The following CNTN5 variants were observed in gnomAD, a reference collection of about 807,000 sequenced individuals.
The protein encoded by CNTN5 is contactin-5.
Under a neutral mutation model 129.1 loss-of-function variants are expected in CNTN5, and 77 were observed. The observed-to-expected ratio is 0.60, with a 90% CI of 0.50 to 0.72. The LOEUF (loss-of-function observed/expected upper bound fraction) is 0.72. Ranked by LOEUF, CNTN5 falls within the 30% of genes least tolerant of loss-of-function variation. The pLI is 0.00. For synonymous variants in CNTN5, 509 were observed against 465.6 expected (o/e 1.09, Z -1.20); for missense variants, 1,478 against 1,328.8 (o/e 1.11, Z -1.75).
intron 4 of CNTN5, among the ~76,000 whole-genome samples, chr11:99,823,731 A>C (rs1221331558): frequency 2.0e-5 from 3 of 152,104 alleles, no homozygotes; most frequent in Admixed American, 6.5e-5. Context: ...TTGTTTCAGT[A>C]TTTTTTGACA....
intron 8 of CNTN5, among the ~76,000 whole-genome samples, chr11:99,970,204 CCTT>C (rs1280481048): frequency 3.9e-5 from 6 of 152,128 alleles, no homozygotes; most frequent in Non-Finnish European, 8.8e-5. Context: ...GCTTTGAACT[CCTT>C]CTTTCTGTAG....
chr11:100,098,704 G>A (rs2049913723), intron 13 of CNTN5, among the ~76,000 whole-genome samples: 1 of 152,150 alleles, frequency 6.6e-6, no homozygotes, highest in Admixed American at 6.6e-5. Context: ...TTTTGGGCCA[G>A]CAAAATGGTT....
intron 1 of CNTN5, among the ~76,000 whole-genome samples, chr11:99,021,724 C>T (rs1180809330): frequency 6.6e-6 from 1 of 152,140 alleles, no homozygotes; most frequent in East Asian, 1.9e-4. Flanking sequence ...ATTGCAATAA[C>T]TTGTTAAAAT....
chr11:99,025,932 T>C (rs1335799867), intron 1 of CNTN5, among the ~76,000 whole-genome samples: 2 of 151,704 alleles, frequency 1.3e-5, no homozygotes, highest in African/African-American at 2.4e-5. Context: ...ACTATTCTAA[T>C]TCACCTAGGT....
intron 18 of CNTN5, among the ~76,000 whole-genome samples, chr11:100,284,039 C>G (rs957552364): frequency 6.6e-5 from 10 of 152,178 alleles, no homozygotes; most frequent in African/African-American, 2.4e-4. Context: ...CTTCTATAAC[C>G]AAGCGACACT....
At chr11:99,901,773 A>C (rs963988873) in intron 6 of CNTN5, among the ~76,000 whole-genome samples, 1 of 152,214 alleles carries the variant, frequency 6.6e-6, no homozygotes, top group Non-Finnish European at 1.5e-5. Context: ...TTAAAAAAGA[A>C]AACTGAACTG....
At chr11:100,072,255 C>CT (rs1227578228) in intron 12 of CNTN5, among the ~76,000 whole-genome samples, 1 of 152,130 alleles carries the variant, frequency 6.6e-6, no homozygotes, top group African/African-American at 2.4e-5. Context: ...TGTGTGGCTC[C>CT]TGCAAAGCAA....
At chr11:99,724,078 C>A (rs997203308) in intron 3 of CNTN5, among the ~76,000 whole-genome samples, 16 of 152,184 alleles carry the variant, frequency 1.1e-4, no homozygotes, top group African/African-American at 3.6e-4. Context: ...ACTCTTCAAT[C>A]AAACTAGAAA....
intron 2 of CNTN5, among the ~76,000 whole-genome samples, chr11:99,488,711 A>G (rs1945918884): frequency 6.6e-6 from 1 of 152,210 alleles, no homozygotes; most frequent in South Asian, 2.1e-4. Flanking sequence ...ACACTGCAAG[A>G]GAAAACAAAA....
intron 3 of CNTN5, among the ~76,000 whole-genome samples, chr11:99,699,107 C>G (rs1656037565): frequency 6.6e-6 from 1 of 151,284 alleles, no homozygotes; most frequent in South Asian, 2.1e-4. Context: ...TTTCTTCTCA[C>G]CAAGATTTGA....
chr11:99,930,527 A>G lies in CNTN5; in HGVS notation c.673+14378A>G, dbSNP rs190378889. On this transcript the variant is annotated intron_variant, in intron 7 of 24. Transcript: ENST00000524871. ...GACAATTGCCTGACAGTCACCTGAC[A>G]GTTGCCTGATATTCTTTGGGGCCCT... Among the ~76,000 whole-genome samples the G allele has an allele frequency of 6.3e-3, 961 of 152,274 alleles. 12 individuals carry two copies. The highest frequency in any genetic ancestry group is 0.018 in the Admixed American group (277 of 15,292).
At chr11:99,889,906 T>C (rs902840898) in intron 6 of CNTN5, among the ~76,000 whole-genome samples, 6 of 152,164 alleles carry the variant, frequency 3.9e-5, no homozygotes, top group Non-Finnish European at 8.8e-5. Context: ...AAATAACTTA[T>C]CTAAAAATTA....
At chr11:99,772,877 T>C (rs557066792) in intron 3 of CNTN5, among the ~76,000 whole-genome samples, 1 of 152,064 alleles carries the variant, frequency 6.6e-6, no homozygotes, top group Non-Finnish European at 1.5e-5. Context: ...TTGTAGATCA[T>C]GTAGTTTGAA....
At chr11:99,175,272 T>C (rs1378279337) in intron 1 of CNTN5, among the ~76,000 whole-genome samples, 1 of 151,830 alleles carries the variant, frequency 6.6e-6, no homozygotes, top group Admixed American at 6.6e-5. Flanking sequence ...ATAAATAGGG[T>C]TTATTACTCA....
chr11:99,957,072 G>A, intron 8 of CNTN5, 63 bp downstream of exon 8: 3 of 1,381,182 alleles, frequency 2.2e-6, no homozygotes, highest in Non-Finnish European at 3.0e-6. Flanking sequence ...AGATGTATTA[G>A]TGTGTGTTTT....
intron 8 of CNTN5, among the ~76,000 whole-genome samples, chr11:99,958,967 C>T (rs1177792246): frequency 1.3e-5 from 2 of 152,130 alleles, no homozygotes; most frequent in Non-Finnish European, 2.9e-5. Flanking sequence ...AGACAGTGTC[C>T]ATGTGCAAGA....
chr11:100,085,782 C>A (rs1409219997), intron 13 of CNTN5, among the ~76,000 whole-genome samples: 1 of 151,994 alleles, frequency 6.6e-6, no homozygotes, highest in Non-Finnish European at 1.5e-5. Flanking sequence ...AAAATGAGAG[C>A]GTCCTAATTC....
chr11:99,819,764 T>C lies in CNTN5; in HGVS notation c.276T>C (p.Asp92=), dbSNP rs201762749. The change falls in exon 4 of 25, where the codon GAT becomes GAC. Residue 92 remains aspartate, a splice_region_variant and synonymous_variant. Coordinates refer to ENST00000524871, the MANE Select transcript of CNTN5 (RefSeq NM_014361.4). ...LYHSSDAFKQ[D]ESVDYGPVFV... is the part of the protein sequence containing the mutation. ...ATTCCTCAGATGCCTTCAAACAAGA[T>C]GGTAAGTGTCAAAGGAAAATGGCTC... is the stretch of plus-strand genomic sequence containing the variant. The C allele has an allele frequency of 2.1e-4, 25 of 118,824 alleles. No individual in the cohort carries two copies. The highest frequency in any genetic ancestry group is 3.4e-4 in the Non-Finnish European group (25 of 74,308). The allele number at this position is 118,824 out of a possible 1,614,324, so 7.4% of individuals were successfully genotyped here.
At position 100,074,141 on chromosome 11, in the gene CNTN5, T is replaced by A. The variant is rs370798508; in HGVS notation, c.1430-3T>A. ...TAGAAACTAACATTTGCTTTTTTAA[T>A]AGCTTCAGCTCCCACTTTTGCACTG... On this transcript the variant is annotated splice_polypyrimidine_tract_variant and splice_region_variant and intron_variant, in intron 12 of 24. Transcript: ENST00000524871. 8.7e-6 allele frequency: 14 copies of A among 1,605,446 alleles called. No individual in the cohort carries two copies. Among genetic ancestry groups the A allele is most frequent in the Middle Eastern group, 1.7e-4 (1 of 6,028 alleles).
Sources: allele counts gnomAD v4.1 joint callset (sites outside exome capture counted in the v4.1 genomes callset), GRCh38; gene constraint gnomAD v4.1.1; transcripts MANE v1.5; gene names NCBI Gene and HGNC (gene_info 2026-07-23, HGNC 2026-07-21).